GOLM2: variants seen among roughly 807,000 people sequenced by gnomAD.
The protein encoded by GOLM2 is golgi membrane protein 2.
Under a neutral mutation model 55.9 loss-of-function variants are expected in GOLM2, and 26 were observed. The ratio of observed to expected loss-of-function variants is 0.47; its 90% CI spans 0.34 to 0.65. GOLM2 has a LOEUF of 0.65. Among genes scored for constraint, GOLM2 ranks in the 30% least tolerant of loss-of-function variants. GOLM2 has a pLI of 0.01. For missense variants in GOLM2, 486 were observed against 531.8 expected (o/e 0.91, Z 0.85); for synonymous variants, 165 against 194.6 (o/e 0.85, Z 1.27).
At chr15:44,294,860 C>T (rs1412477700) in intron 1 of GOLM2, among the ~76,000 whole-genome samples, 1 of 151,288 alleles carries the variant, frequency 6.6e-6, no homozygotes, top group Non-Finnish European at 1.5e-5. Context: ...TGCCACTGCA[C>T]TCCAGCCTGG....
chr15:44,292,353 T>C (rs1452359832), intron 1 of GOLM2, among the ~76,000 whole-genome samples: 1 of 151,500 alleles, frequency 6.6e-6, no homozygotes, highest in African/African-American at 2.4e-5. Flanking sequence ...CCCACCTCCA[T>C]GCCCGGCTAA....
chr15:44,332,559 CA>C (rs538749477), intron 4 of GOLM2, among the ~76,000 whole-genome samples: 145 of 120,696 alleles, frequency 1.2e-3, no homozygotes, highest in South Asian at 9.6e-3. Context: ...GACTCCGTTT[CA>C]AAAAAAAAAA....
At position 44,385,202 on chromosome 15, in the gene GOLM2, A is replaced by G. The variant is rs1423770617; in HGVS notation, c.1072+4226A>G. 3.9e-5 allele frequency among the ~76,000 whole-genome samples: 6 copies of G among 152,162 alleles called. No individual in the cohort carries two copies. The East Asian group carries it at 1.2e-3, about 29-fold the overall frequency. ...CTTTGGGTATGTACCTAGATGTGAA[A>G]CTGCTGAGTCATATGATAGTTCTAT... On this transcript the variant is annotated intron_variant, in intron 8 of 9. Transcript: ENST00000299957.
At chr15:44,332,313 T>G (rs570491383) in intron 4 of GOLM2, among the ~76,000 whole-genome samples, 1 of 152,100 alleles carries the variant, frequency 6.6e-6, no homozygotes, top group Non-Finnish European at 1.5e-5. Context: ...TCCCAGCACT[T>G]TGGGAGGCTG....
At chr15:44,298,043 G>A (rs1313616712) in intron 1 of GOLM2, among the ~76,000 whole-genome samples, 2 of 147,346 alleles carry the variant, frequency 1.4e-5, no homozygotes, top group Non-Finnish European at 3.0e-5. Context: ...AAATTTTTTT[G>A]TATTTTTAAT....
At chr15:44,326,123 A>G (rs1217413222) in intron 2 of GOLM2, among the ~76,000 whole-genome samples, 3 of 151,792 alleles carry the variant, frequency 2.0e-5, no homozygotes, top group African/African-American at 7.3e-5. Flanking sequence ...TTAGCTGGGC[A>G]CGGTGGTGGG....
chr15:44,404,956 A>G (rs1017791836), intron 9 of GOLM2, among the ~76,000 whole-genome samples: 2 of 152,164 alleles, frequency 1.3e-5, no homozygotes, highest in African/African-American at 2.4e-5. Flanking sequence ...TCATTGGATA[A>G]TTTTGAGGTT....
chr15:44,307,071 G>A (rs1254241553), intron 1 of GOLM2, among the ~76,000 whole-genome samples: 1 of 152,150 alleles, frequency 6.6e-6, no homozygotes, highest in Non-Finnish European at 1.5e-5. Flanking sequence ...TGGAAAAATT[G>A]TGCCAATACA....
chr15:44,305,703 C>T lies in GOLM2; in HGVS notation c.327+16347C>T, dbSNP rs145889329. Reference sequence around the variant, plus strand: ...AGGAATTACATCATGGTAGGTATAGCCTTATGAAAGGTATTTGTTAAATAA... The same window carrying T: ...AGGAATTACATCATGGTAGGTATAGTCTTATGAAAGGTATTTGTTAAATAA... On this transcript the variant is annotated intron_variant, in intron 1 of 9. Transcript: ENST00000299957. Among the ~76,000 whole-genome samples, 854 of 152,182 alleles carry T rather than the reference C, an allele frequency of 5.6e-3. 3 individuals carry two copies. Among genetic ancestry groups the T allele is most frequent in the Non-Finnish European group, 9.1e-3 (619 of 68,020 alleles).
intron 1 of GOLM2, among the ~76,000 whole-genome samples, chr15:44,303,130 AAAT>A (rs1289299451): frequency 6.6e-6 from 1 of 151,886 alleles, no homozygotes; most frequent in African/African-American, 2.4e-5. Flanking sequence ...ATAAATAAAT[AAAT>A]AAATAAATAG....
At chr15:44,409,563 C>T (rs56045545) in intron 9 of GOLM2, 2 of 109,968 alleles carry the variant, frequency 1.8e-5, no homozygotes, top group African/African-American at 3.6e-5. Context: ...CACTAACAGG[C>T]TCGGCTACAA....
chr15:44,375,254 C>T (rs529256282), intron 6 of GOLM2, among the ~76,000 whole-genome samples: 70 of 152,046 alleles, frequency 4.6e-4, no homozygotes, highest in Non-Finnish European at 9.0e-4. Context: ...CTCCTGACCT[C>T]GTGATCCGCC....
At chr15:44,400,708 C>T (rs1365154205) in intron 8 of GOLM2, among the ~76,000 whole-genome samples, 1 of 150,990 alleles carries the variant, frequency 6.6e-6, no homozygotes, top group Admixed American at 6.7e-5. Flanking sequence ...TCCCGAGTAG[C>T]TGGGACTACA....
intron 6 of GOLM2, among the ~76,000 whole-genome samples, chr15:44,357,969 T>G (rs1251647831): frequency 6.6e-6 from 1 of 152,182 alleles, no homozygotes; most frequent in Non-Finnish European, 1.5e-5. Context: ...AAATGTCAGT[T>G]CCTCGGAGTA....
chr15:44,407,871 C>T (rs972828488), intron 9 of GOLM2, among the ~76,000 whole-genome samples: 2 of 151,716 alleles, frequency 1.3e-5, no homozygotes, highest in Admixed American at 6.6e-5. Flanking sequence ...CTTGCCTCAG[C>T]TTCCTGAGTA....
At chr15:44,369,068 TATATATATATA>T (rs2079307473) in intron 6 of GOLM2, among the ~76,000 whole-genome samples, 16 of 5,832 alleles carry the variant, frequency 2.7e-3, no homozygotes, top group African/African-American at 7.1e-3. Context: ...TAGGATATAT[TATATATATATA>T]TATATATATA....
In GOLM2 at chr15:44,317,905, G is replaced by A. The variant is rs561122459; in HGVS notation, c.328-5060G>A. On this transcript the variant is annotated intron_variant, in intron 1 of 9. Transcript: ENST00000299957. ...TCATACTTGATGTTTCTCCTTTTAC[G>A]CCTGTATATAATCAATTCCACAAGA... Among the ~76,000 whole-genome samples the A allele has an allele frequency of 3.4e-4, 51 of 151,980 alleles. No homozygotes were observed. In the South Asian group the frequency reaches 5.2e-3, roughly 15 times the overall value.
In GOLM2 at chr15:44,371,083, A is replaced by G. The variant is rs370855199; in HGVS notation, c.803-8607A>G. ...CAAAGACCTAAGAGGAAATCCCCAT[A>G]TAGATTTCTGCTCTCCGTTTCATCC... is the stretch of plus-strand genomic sequence containing the variant. On this transcript the variant is annotated intron_variant, in intron 6 of 9. Transcript: ENST00000299957. Among the ~76,000 whole-genome samples the G allele has an allele frequency of 6.6e-5, 10 of 152,236 alleles. No homozygotes were observed. In the East Asian group the frequency reaches 1.9e-3, roughly 29 times the overall value.
chr15:44,306,370 A>C (rs1216382559), intron 1 of GOLM2, among the ~76,000 whole-genome samples: 1 of 151,306 alleles, frequency 6.6e-6, no homozygotes, highest in Admixed American at 6.6e-5. Context: ...CAGCTTCTTT[A>C]CCCTTCACCC....
Sources: allele counts gnomAD v4.1 joint callset (sites outside exome capture counted in the v4.1 genomes callset), GRCh38; gene constraint gnomAD v4.1.1; transcripts MANE v1.5; gene names NCBI Gene and HGNC (gene_info 2026-07-23, HGNC 2026-07-21).